The following GRID1 variants were observed in gnomAD, a reference collection of about 807,000 sequenced individuals.
GRID1 encodes glutamate ionotropic receptor delta type subunit 1, also known as glutamate receptor ionotropic, delta-1.
GRID1 carries 28 observed loss-of-function variants against 98.0 expected under a neutral mutation model. The ratio of observed to expected loss-of-function variants is 0.29; its 90% CI spans 0.21 to 0.39. The LOEUF is 0.39. GRID1 is among the 10% of genes least tolerant of loss of function. The probability of loss-of-function intolerance (pLI) is 1.00; values close to 1 mark genes in which losing one functional copy is unlikely to be tolerated. For missense variants in GRID1, 1,111 were observed against 1,340.5 expected (o/e 0.83, Z 2.67); for synonymous variants, 553 against 538.5 (o/e 1.03, Z -0.37).
At chr10:85,624,180 T>C (rs1842885908) in intron 13 of GRID1, among the ~76,000 whole-genome samples, 1 of 152,208 alleles carries the variant, frequency 6.6e-6, no homozygotes, top group East Asian at 1.9e-4. Context: ...ATTTATCTCA[T>C]AATGCCTAAA....
chr10:85,689,444 TG>T (rs1345495062), intron 12 of GRID1, among the ~76,000 whole-genome samples: 33 of 96,258 alleles, frequency 3.4e-4, no homozygotes, highest in Non-Finnish European at 1.3e-4. Flanking sequence ...AACAAAGAAA[TG>T]GAAAAAAAAA....
chr10:86,075,817 T>G (rs1268253701), intron 4 of GRID1, among the ~76,000 whole-genome samples: 2 of 152,106 alleles, frequency 1.3e-5, no homozygotes, highest in Non-Finnish European at 2.9e-5. Flanking sequence ...TGGCCAGGAA[T>G]GTAAGGAAAC....
intron 12 of GRID1, among the ~76,000 whole-genome samples, chr10:85,672,458 C>T (rs1349564452): frequency 6.6e-6 from 1 of 152,144 alleles, no homozygotes; most frequent in African/African-American, 2.4e-5. Flanking sequence ...CAGGTGCCCA[C>T]CACCATGCCC....
At chr10:85,906,083 AAAAT>A (rs1281299319) in intron 5 of GRID1, among the ~76,000 whole-genome samples, 1 of 152,146 alleles carries the variant, frequency 6.6e-6, no homozygotes, top group Non-Finnish European at 1.5e-5. Context: ...AACACAAGTC[AAAAT>A]AAATATAGAA....
At position 85,724,491 on chromosome 10, in the gene GRID1, G is replaced by C; in HGVS notation, c.1719C>G (p.Ile573Met). The change falls in exon 11 of 16, where the codon ATC becomes ATG. Residue 573 changes from isoleucine to methionine, a missense_variant. Physicochemically the swap from Ile to Met is conservative, Grantham distance 10. Coordinates refer to ENST00000327946, the MANE Select transcript of GRID1 (RefSeq NM_017551.3). Reference sequence around the variant, plus strand: ...CAAATATCAGCACACCAACCACAGGGATGGCTGCTGCAATGCAGGCCCACA... The same window carrying C: ...CAAATATCAGCACACCAACCACAGGCATGGCTGCTGCAATGCAGGCCCACA... The part of the protein sequence containing the change: ...FAVWACIAAA[I>M]PVVGVLIFVL... The C allele has an allele frequency of 1.2e-6, 2 of 1,614,110 alleles. No homozygotes were observed. The highest frequency in any genetic ancestry group is 1.6e-4 in the Middle Eastern group (1 of 6,062).
intron 2 of GRID1, among the ~76,000 whole-genome samples, chr10:86,279,296 G>T (rs1006803714): frequency 6.6e-6 from 1 of 152,158 alleles, no homozygotes; most frequent in Non-Finnish European, 1.5e-5. Context: ...TTCTGTTACT[G>T]ATAAGCTTCC....
At chr10:85,699,792 C>A (rs867614379) in intron 12 of GRID1, among the ~76,000 whole-genome samples, 1 of 152,162 alleles carries the variant, frequency 6.6e-6, no homozygotes, top group Non-Finnish European at 1.5e-5. Flanking sequence ...CAAGACAAAT[C>A]TCTAATTATA....
chr10:86,295,319 C>T (rs12258625), intron 2 of GRID1, among the ~76,000 whole-genome samples: 9,504 of 152,200 alleles, frequency 0.062, 534 homozygotes, highest in African/African-American at 0.15. Context: ...AGGGAGAGAA[C>T]TGCTGGGTGA....
Position 86,305,308 on chromosome 10 carries a change from G to A in GRID1, c.235+58633C>T, listed in dbSNP as rs1847744509. Among the ~76,000 whole-genome samples, 7 of 152,262 alleles carry A rather than the reference G, an allele frequency of 4.6e-5. 1 individual carries two copies. The South Asian group carries it at 1.5e-3, about 32-fold the overall frequency. ...CCCTCAACTTCCCATCATTGGTCAG[G>A]AGCACACGACAGGTGCTGAGAGGCA... On this transcript the variant is annotated intron_variant, in intron 2 of 15. Transcript: ENST00000327946.
intron 4 of GRID1, among the ~76,000 whole-genome samples, chr10:86,066,315 A>C (rs1490551770): frequency 6.6e-6 from 1 of 152,220 alleles, no homozygotes; most frequent in Non-Finnish European, 1.5e-5. Context: ...CTCAAACCCA[A>C]GCTGGGAGTT....
intron 4 of GRID1, among the ~76,000 whole-genome samples, chr10:85,981,545 C>T (rs1842544735): frequency 6.6e-6 from 1 of 152,172 alleles, no homozygotes; most frequent in African/African-American, 2.4e-5. Context: ...AATGTTCATC[C>T]AAGCTCTGCC....
chr10:85,821,753 A>C (rs1010055716), intron 8 of GRID1, among the ~76,000 whole-genome samples: 4 of 152,116 alleles, frequency 2.6e-5, no homozygotes, highest in Admixed American at 6.5e-5. Flanking sequence ...AAAAGAACAA[A>C]GCTGGAGGCA....
chr10:86,346,139 TAGTATGC>T (rs373722595), intron 2 of GRID1, among the ~76,000 whole-genome samples: 13 of 152,162 alleles, frequency 8.5e-5, no homozygotes, highest in African/African-American at 2.9e-4. Flanking sequence ...CTAGTGGCCA[TAGTATGC>T]AGAGTGTCCA....
chr10:85,990,914 C>T (rs1477247327), intron 4 of GRID1, among the ~76,000 whole-genome samples: 2 of 152,040 alleles, frequency 1.3e-5, no homozygotes, highest in Non-Finnish European at 2.9e-5. Flanking sequence ...ATACCCATAA[C>T]TTTAAGGTCA....
intron 2 of GRID1, among the ~76,000 whole-genome samples, chr10:86,348,458 G>GGA (rs1245588996): frequency 6.6e-6 from 1 of 152,230 alleles, no homozygotes; most frequent in Non-Finnish European, 1.5e-5. Context: ...GAGGCAACCA[G>GGA]GAGAGAGCAG....
At chr10:86,321,912 G>A (rs1847976209) in intron 2 of GRID1, among the ~76,000 whole-genome samples, 1 of 152,006 alleles carries the variant, frequency 6.6e-6, no homozygotes, top group East Asian at 1.9e-4. Context: ...AAGACAAGCA[G>A]GCAACCCAGA....
intron 4 of GRID1, among the ~76,000 whole-genome samples, chr10:86,007,273 C>T (rs1477232327): frequency 1.3e-5 from 2 of 152,212 alleles, no homozygotes; most frequent in Admixed American, 1.3e-4. Flanking sequence ...AAGGGGCTCT[C>T]AGAGCTTCTC....
intron 4 of GRID1, among the ~76,000 whole-genome samples, chr10:85,983,640 T>C (rs1842572901): frequency 6.6e-6 from 1 of 152,178 alleles, no homozygotes; most frequent in Non-Finnish European, 1.5e-5. Context: ...CATCCTCTCC[T>C]GGGCCAGGGT....
chr10:86,362,965 G>A (rs1848620267), intron 2 of GRID1, among the ~76,000 whole-genome samples: 2 of 152,268 alleles, frequency 1.3e-5, no homozygotes, highest in Admixed American at 6.5e-5. Flanking sequence ...CCAGCACTGA[G>A]GGGCGCTGGC....
Sources: allele counts gnomAD v4.1 joint callset (sites outside exome capture counted in the v4.1 genomes callset), GRCh38; gene constraint gnomAD v4.1.1; transcripts MANE v1.5; gene names NCBI Gene and HGNC (gene_info 2026-07-23, HGNC 2026-07-21).